Variants in CENATAC observed in about 807,000 individuals in gnomAD.
The protein encoded by CENATAC is centrosomal AT-AC splicing factor.
In CENATAC, 53 loss-of-function variants were observed where a neutral mutation model predicts 53.7. The ratio of observed to expected loss-of-function variants is 0.99; its 90% CI spans 0.79 to 1.24. CENATAC has a LOEUF of 1.24. CENATAC is among the 50% of genes most tolerant of loss of function. CENATAC has a pLI of 0.00. For missense variants in CENATAC, 474 were observed against 417.8 expected, an observed-to-expected ratio of 1.13 and a Z score of -1.17; for synonymous variants, 156 against 144.6, an observed-to-expected ratio of 1.08 and a Z score of -0.57.
At chr11:119,003,772 C>G (rs1942441226) in intron 3 of CENATAC, 1 of 159,868 alleles carries the variant, frequency 6.3e-6, no homozygotes, top group African/African-American at 2.4e-5. Flanking sequence ...GTGCATGCCA[C>G]CACACCTGGC....
chr11:119,002,984 T>C (rs536040592), intron 3 of CENATAC: 9 of 488,932 alleles, frequency 1.8e-5, no homozygotes, highest in African/African-American at 4.0e-5. Flanking sequence ...GATATACATA[T>C]ATTTAGAATT....
chr11:119,015,646 C>G lies in CENATAC; in HGVS notation c.*48C>G. Reference sequence around the variant, plus strand: ...TGAGGCTAAAAGCAAAGTCAACAAACCCCTATTATACCTTCCACCAAATTC... The same window carrying G: ...TGAGGCTAAAAGCAAAGTCAACAAAGCCCTATTATACCTTCCACCAAATTC... On this transcript the variant is annotated 3_prime_UTR_variant, in exon 11 of 11. Coordinates refer to ENST00000334418, the MANE Select transcript of CENATAC (RefSeq NM_198489.3). 2 of 1,574,130 alleles carry G rather than the reference C, an allele frequency of 1.3e-6. No individual in the cohort carries two copies. Among genetic ancestry groups the G allele is most frequent in the Non-Finnish European group, 1.7e-6 (2 of 1,144,240 alleles).
intron 3 of CENATAC, among the ~76,000 whole-genome samples, chr11:119,009,137 T>C (rs781866171): frequency 6.6e-6 from 1 of 151,996 alleles, no homozygotes; most frequent in Non-Finnish European, 1.5e-5. Context: ...CTACAACTTA[T>C]TATTATTTTT....
chr11:119,015,026 GAAT>G lies in CENATAC; in HGVS notation c.750_752del (p.Glu250_Tyr251delinsAsp), dbSNP rs782808276. On this transcript the variant is annotated inframe_deletion, in exon 9 of 11. Transcript: ENST00000334418. ...ACCTCCCTGGATGATCCAAGATGAA[GAAT>G]ACATTGCTGGGAACCAAGAAATAGG... The G allele has an allele frequency of 1.1e-5, 17 of 1,605,294 alleles. No individual in the cohort carries two copies. The East Asian group carries it at 3.8e-4, about 36-fold the overall frequency.
At chr11:119,006,953 T>A (rs1478380688) in intron 3 of CENATAC, among the ~76,000 whole-genome samples, 1 of 152,208 alleles carries the variant, frequency 6.6e-6, no homozygotes, top group African/African-American at 2.4e-5. Flanking sequence ...CTGCTGTGAT[T>A]ATAAGGCCTC....
intron 7 of CENATAC, chr11:119,012,495 C>G (rs533390459): frequency 1.5e-4 from 66 of 429,348 alleles, no homozygotes; most frequent in Non-Finnish European, 2.3e-4. Flanking sequence ...ACTCATAGTT[C>G]CAACTCAACA....
chr11:118,998,986 G>A lies in CENATAC; in HGVS notation c.285-25G>A, dbSNP rs782316318. 2.6e-6 allele frequency: 4 copies of A among 1,520,918 alleles called. No homozygotes were observed. The Admixed American group carries it at 6.7e-5, about 25-fold the overall frequency. The allele number at this position is 1,520,918 out of a possible 1,614,324, so 94.2% of individuals were successfully genotyped here. ...GTAATATTTTATAATCTATAGCTGAGATTACTTATCCTCTCCATTTTCAGC... is the reference window on the plus strand; with the variant it reads ...GTAATATTTTATAATCTATAGCTGAAATTACTTATCCTCTCCATTTTCAGC... On this transcript the variant is annotated intron_variant, in intron 2 of 10. Transcript: ENST00000334418.
At chr11:118,998,702 G>T in intron 2 of CENATAC, 109 bp downstream of exon 2, 1 of 1,350,408 alleles carries the variant, frequency 7.4e-7, no homozygotes, top group Non-Finnish European at 1.0e-6. Context: ...CAAGAAGGAT[G>T]GATTGAGTCA....
chr11:119,015,192 G>T, intron 9 of CENATAC, 109 bp downstream of exon 9: 1 of 1,439,334 alleles, frequency 6.9e-7, no homozygotes, highest in Non-Finnish European at 9.6e-7. Context: ...TTGGGAGGCT[G>T]AGGTGGGAGG....
chr11:119,012,274 C>T lies in CENATAC; in HGVS notation c.684+20C>T, dbSNP rs782074697. 1.2e-5 allele frequency: 20 copies of T among 1,612,680 alleles called. No homozygotes were observed. In the Admixed American group the frequency reaches 1.3e-4, roughly 11 times the overall value. On this transcript the variant is annotated intron_variant, in intron 7 of 10. Coordinates refer to ENST00000334418, the MANE Select transcript of CENATAC (RefSeq NM_198489.3). ...CATCAGGTACAAAGGATAAGCAAGC[C>T]AGAAGAGGGCCAATGGTCCCTCAGG...
intron 3 of CENATAC, chr11:119,006,084 T>TA (rs1286122215): frequency 8.1e-6 from 1 of 123,970 alleles, no homozygotes; most frequent in Non-Finnish European, 1.6e-5. Context: ...GATTTTTTTT[T>TA]TTTTTTTTTT....
rs1943118219 is a variant in CENATAC at position 119,015,444 on chromosome 11, G to A, written c.938+5G>A. The stretch of plus-strand genomic sequence containing the variant: ...TGGACGCCGCTGGCAGTCCAGGTAT[G>A]TGTGTTCAGTGCCGGGTCTCCAACC... On this transcript the variant is annotated splice_donor_5th_base_variant and intron_variant, in intron 10 of 10. Coordinates refer to ENST00000334418, the MANE Select transcript of CENATAC (RefSeq NM_198489.3). 6.2e-7 allele frequency: 1 copy of A among 1,614,016 alleles called. No individual in the cohort carries two copies.
At chr11:119,000,538 G>A (rs1942240571) in intron 3 of CENATAC, among the ~76,000 whole-genome samples, 1 of 148,790 alleles carries the variant, frequency 6.7e-6, no homozygotes, top group African/African-American at 2.5e-5. Flanking sequence ...GGTGGCTCAT[G>A]TGAAGTCAGG....
rs1485805897 is a variant in CENATAC at position 118,998,605 on chromosome 11, G to A, written c.284+12G>A. ...GAGCATCTGGCCAGGTGAGAGCCGAGCTAGGAGCCTGCTCCAGCACAGACG... is the reference window on the plus strand; with the variant it reads ...GAGCATCTGGCCAGGTGAGAGCCGAACTAGGAGCCTGCTCCAGCACAGACG... On this transcript the variant is annotated intron_variant, in intron 2 of 10. Coordinates refer to ENST00000334418, the MANE Select transcript of CENATAC (RefSeq NM_198489.3). The A allele has an allele frequency of 6.4e-7, 1 of 1,555,224 alleles. No individual in the cohort carries two copies. The highest frequency in any genetic ancestry group is 1.2e-5 in the South Asian group (1 of 84,740).
chr11:119,001,570 A>G (rs1942299288), intron 3 of CENATAC: 1 of 451,792 alleles, frequency 2.2e-6, no homozygotes, highest in Admixed American at 2.4e-5. Context: ...CATATATTTT[A>G]TGCATTCATG....
intron 3 of CENATAC, among the ~76,000 whole-genome samples, chr11:119,002,754 T>C (rs1942374152): frequency 6.6e-6 from 1 of 151,380 alleles, no homozygotes; most frequent in African/African-American, 2.4e-5. Flanking sequence ...ATTTCTCCCA[T>C]GCGAAATTTT....
chr11:119,007,090 T>C (rs904947608), intron 3 of CENATAC, among the ~76,000 whole-genome samples: 1 of 152,182 alleles, frequency 6.6e-6, no homozygotes, highest in African/African-American at 2.4e-5. Context: ...ATCTCTCTGC[T>C]CCAGTGCTGC....
chr11:119,011,161 G>T (rs895835411), intron 4 of CENATAC, 60 bp from the exon 5 acceptor site: 7 of 1,456,556 alleles, frequency 4.8e-6, no homozygotes, highest in Non-Finnish European at 6.7e-6. Flanking sequence ...TAAAGGAAAG[G>T]CCTCTGAAGA....
rs1317567796 is a variant in CENATAC at position 119,010,769 on chromosome 11, A to G, written c.389A>G (p.Lys130Arg). 20 of 1,614,216 alleles carry G rather than the reference A, an allele frequency of 1.2e-5. No homozygotes were observed. Among genetic ancestry groups the G allele is most frequent in the Non-Finnish European group, 1.7e-5 (20 of 1,180,030 alleles). ...LVTPQDYARF[K>R]KSMVKGLDSY... ...TTTGCCCCTTTTCTTTTTAGATTCAAGAAATCCATGGTGAAAGGTTTGGAT... is the reference window on the plus strand; with the variant it reads ...TTTGCCCCTTTTCTTTTTAGATTCAGGAAATCCATGGTGAAAGGTTTGGAT... The change falls in exon 4 of 11, where the codon AAG becomes AGG. Residue 130 changes from lysine to arginine, a missense_variant. Coordinates refer to ENST00000334418, the MANE Select transcript of CENATAC (RefSeq NM_198489.3).
Sources: allele counts gnomAD v4.1 joint callset (sites outside exome capture counted in the v4.1 genomes callset), GRCh38; gene constraint gnomAD v4.1.1; transcripts MANE v1.5; gene names NCBI Gene and HGNC (gene_info 2026-07-23, HGNC 2026-07-21).